FERMT2: variants seen among roughly 807,000 people sequenced by gnomAD.
FERMT2 encodes the protein FERM domain containing kindlin 2, also known as fermitin family homolog 2.
In FERMT2, 15 loss-of-function variants were observed where a neutral mutation model predicts 82.7. That is an observed-to-expected ratio of 0.18 (90% confidence interval 0.12 to 0.28). The LOEUF is 0.28. FERMT2 is among the 10% of genes least tolerant of loss of function. The pLI is 1.00. For synonymous variants in FERMT2, 274 were observed against 271.5 expected, an observed-to-expected ratio of 1.01 and a Z score of -0.09; for missense variants, 645 against 809.4, an observed-to-expected ratio of 0.80 and a Z score of 2.46.
At chr14:52,867,985 C>A (rs1005209015) in intron 10 of FERMT2, among the ~76,000 whole-genome samples, 2 of 152,146 alleles carry the variant, frequency 1.3e-5, no homozygotes, top group African/African-American at 4.8e-5. Flanking sequence ...TCCTCTGCAC[C>A]ATAACTGGTA....
At chr14:52,861,153 A>G in intron 12 of FERMT2, 1 of 834,920 alleles carries the variant, frequency 1.2e-6, no homozygotes, top group East Asian at 2.8e-5. Flanking sequence ...AATTCCAGCC[A>G]AAAGTCATGC....
At chr14:52,947,262 G>A (rs758190746) in intron 2 of FERMT2, among the ~76,000 whole-genome samples, 4 of 152,280 alleles carry the variant, frequency 2.6e-5, no homozygotes, top group South Asian at 4.1e-4. Context: ...GGCGGATGAC[G>A]AGGTTAGGAG....
chr14:52,879,690 A>T (rs1273361892), intron 6 of FERMT2, among the ~76,000 whole-genome samples: 1 of 152,182 alleles, frequency 6.6e-6, no homozygotes, highest in African/African-American at 2.4e-5. Flanking sequence ...AGCATATAAT[A>T]AAAGAATGTA....
chr14:52,864,313 A>T, intron 12 of FERMT2, 88 bp downstream of exon 12: 1 of 870,686 alleles, frequency 1.1e-6, no homozygotes, highest in Non-Finnish European at 1.8e-6. Flanking sequence ...AAGACTAAAA[A>T]GTTTTGTTTA....
intron 3 of FERMT2, among the ~76,000 whole-genome samples, chr14:52,915,469 C>A (rs1209034066): frequency 6.6e-6 from 1 of 152,144 alleles, no homozygotes; most frequent in Non-Finnish European, 1.5e-5. Context: ...AAAAACAGAT[C>A]CACACAACAT....
At chr14:52,877,574 C>CTTTAATTTTTT (rs771194186) in intron 7 of FERMT2, among the ~76,000 whole-genome samples, 1 of 67,064 alleles carries the variant, frequency 1.5e-5, no homozygotes, top group African/African-American at 6.1e-5. Flanking sequence ...GCTGTTCTTG[C>CTTTAATTTTTT]TTTTTTTTTT....
intron 2 of FERMT2, among the ~76,000 whole-genome samples, chr14:52,945,618 T>C (rs573330554): frequency 4.6e-5 from 7 of 151,998 alleles, no homozygotes; most frequent in Non-Finnish European, 1.0e-4. Context: ...GTCTTCCAAT[T>C]TGCATTTTTT....
At chr14:52,905,538 AAT>A (rs1887955451) in intron 3 of FERMT2, among the ~76,000 whole-genome samples, 1 of 152,202 alleles carries the variant, frequency 6.6e-6, no homozygotes, top group Non-Finnish European at 1.5e-5. Context: ...GGTGGTGGCG[AAT>A]AGACTACCGG....
chr14:52,885,267 C>T (rs1286670941), intron 4 of FERMT2, among the ~76,000 whole-genome samples: 1 of 125,762 alleles, frequency 8.0e-6, no homozygotes, highest in Non-Finnish European at 1.6e-5. Flanking sequence ...GAGCCAAGAT[C>T]ACACCACTAC....
At chr14:52,924,332 G>A (rs1889130692) in intron 2 of FERMT2, among the ~76,000 whole-genome samples, 1 of 152,108 alleles carries the variant, frequency 6.6e-6, no homozygotes, top group African/African-American at 2.4e-5. Context: ...TGCCTGATTG[G>A]CATTAGAATC....
At chr14:52,906,086 T>C (rs1887992724) in intron 3 of FERMT2, among the ~76,000 whole-genome samples, 1 of 152,216 alleles carries the variant, frequency 6.6e-6, no homozygotes, top group Non-Finnish European at 1.5e-5. Context: ...ACCAGCTTAC[T>C]GCCTATGGGC....
In FERMT2 at chr14:52,859,967, A is replaced by G. The variant is rs570405475; in HGVS notation, c.1728-253T>C. 1,586 of 279,998 alleles carry G rather than the reference A, an allele frequency of 5.7e-3. 16 individuals carry two copies. Among genetic ancestry groups the G allele is most frequent in the African/African-American group, 0.03 (1,367 of 45,294 alleles). 17.3% of individuals were successfully genotyped at this position (279,998 alleles called of 1,614,324 possible). A position where few individuals can be genotyped will look rare whatever the true frequency, so the allele number is the denominator to read the frequency against. ...CGAGTAGCTGGGACTACAGGCGCCC[A>G]CCACCATGCCCCACTAATTTTTTGT... On this transcript the variant is annotated intron_variant, in intron 13 of 14. Transcript: ENST00000341590.
chr14:52,902,889 A>AAAAAAAAC (rs1566740566), intron 3 of FERMT2, among the ~76,000 whole-genome samples: 1 of 140,050 alleles, frequency 7.1e-6, no homozygotes, highest in African/African-American at 2.6e-5. Context: ...AAAAAAAAAA[A>AAAAAAAAC]AACCCCAAAA....
In FERMT2 at chr14:52,859,641, C is replaced by T; in HGVS notation, c.1801G>A (p.Gly601Arg). 6.2e-7 allele frequency: 1 copy of T among 1,612,490 alleles called. No individual in the cohort carries two copies. Among genetic ancestry groups the T allele is most frequent in the Non-Finnish European group, 8.5e-7 (1 of 1,179,134 alleles). Residue 601 changes from glycine to arginine, a missense_variant, in exon 14 of 15, where the codon GGA (glycine) becomes AGA (arginine). Coordinates refer to ENST00000341590, the MANE Select transcript of FERMT2 (RefSeq NM_006832.3). ...AAACGCCATGTTTTAATTGCATCTC[C>T]AGTGCTGGCATCCATCCGAATCAGT... ...NRLIRMDAST[G>R]DAIKTWRFSN...
intron 4 of FERMT2, among the ~76,000 whole-genome samples, chr14:52,886,831 G>C (rs1886640563): frequency 6.6e-6 from 1 of 152,114 alleles, no homozygotes; most frequent in South Asian, 2.1e-4. Flanking sequence ...TTGAGAAGGA[G>C]TAGCCAGGGA....
chr14:52,867,812 C>T (rs992939612), intron 10 of FERMT2, among the ~76,000 whole-genome samples: 12 of 152,136 alleles, frequency 7.9e-5, no homozygotes, highest in African/African-American at 2.2e-4. Context: ...ATCACACTAT[C>T]CACCCAATTG....
At position 52,948,968 on chromosome 14, in the gene FERMT2, C is replaced by G. The variant is rs144220080; in HGVS notation, c.157+1444G>C. Among the ~76,000 whole-genome samples the G allele has an allele frequency of 1.6e-3, 248 of 152,240 alleles. 1 individual carries two copies. Among genetic ancestry groups the G allele is most frequent in the African/African-American group, 5.6e-3 (232 of 41,536 alleles). ...CTTCTTAAATAATCTCATACCAGAG[C>G]TGGACAAAAAAGGTTCATACATATT... On this transcript the variant is annotated intron_variant, in intron 2 of 14. Transcript: ENST00000341590.
At chr14:52,944,711 G>A (rs553455402) in intron 2 of FERMT2, among the ~76,000 whole-genome samples, 2 of 152,152 alleles carry the variant, frequency 1.3e-5, no homozygotes, top group African/African-American at 2.4e-5. Context: ...GGGATTTTTA[G>A]TGGTAACTTT....
rs536720716 is a variant in FERMT2 at position 52,879,827 on chromosome 14, C to T, written c.856-1138G>A. Among the ~76,000 whole-genome samples the T allele has an allele frequency of 4.6e-5, 7 of 152,014 alleles. No individual in the cohort carries two copies. In the South Asian group the frequency reaches 1.2e-3, roughly 27 times the overall value. ...AAACCTCTGTGCCAAGTGTTTTCTA[C>T]GGGGGAAAAAAGCTCCAGATATTTA... On this transcript the variant is annotated intron_variant, in intron 6 of 14. Coordinates refer to ENST00000341590, the MANE Select transcript of FERMT2 (RefSeq NM_006832.3).
Sources: allele counts gnomAD v4.1 joint callset (sites outside exome capture counted in the v4.1 genomes callset), GRCh38; gene constraint gnomAD v4.1.1; transcripts MANE v1.5; gene names NCBI Gene and HGNC (gene_info 2026-07-23, HGNC 2026-07-21).